Variants in INTS2 observed in about 807,000 individuals in gnomAD.
The protein encoded by INTS2 is integrator complex subunit 2.
INTS2 carries 57 observed loss-of-function variants against 139.6 expected under a neutral mutation model. The ratio of observed to expected loss-of-function variants is 0.41; its 90% CI spans 0.33 to 0.51. The LOEUF (loss-of-function observed/expected upper bound fraction) is 0.51, where lower values mean the gene tolerates loss of function less well. Among genes scored for constraint, INTS2 ranks in the 20% least tolerant of loss-of-function variants. The pLI, the probability that INTS2 is intolerant of heterozygous loss-of-function variation, is 0.28. For synonymous variants in INTS2, 473 were observed against 493.4 expected, an observed-to-expected ratio of 0.96 and a Z score of 0.55; for missense variants, 1,196 against 1,436.7, an observed-to-expected ratio of 0.83 and a Z score of 2.71.
At chr17:61,920,976 G>A (rs2079635557) in intron 4 of INTS2, among the ~76,000 whole-genome samples, 1 of 152,020 alleles carries the variant, frequency 6.6e-6, no homozygotes. Flanking sequence ...GTAGAGACAA[G>A]GTCTCACTAT....
rs1257143814 is a variant in INTS2, at chr17:61,868,009, ACTGTTGG to A, written c.3245-7_3245-1del. The A allele has an allele frequency of 1.3e-6, 2 of 1,568,328 alleles. No homozygotes were observed. Among genetic ancestry groups the A allele is most frequent in the Admixed American group, 2.2e-5 (1 of 46,000 alleles). On this transcript the variant is annotated splice_acceptor_variant and splice_polypyrimidine_tract_variant and intron_variant, in intron 23 of 24. Coordinates refer to ENST00000251334, the MANE Select transcript of INTS2 (RefSeq NM_001351695.2). LOFTEE classifies it high-confidence loss of function. The surrounding 1 kb of genome is among the most constrained non-coding windows in gnomAD (Gnocchi z 4.7). ...AGCATACCGCTTAGCCTGTGTTAAA[ACTGTTGG>A]AAAAAAATGAAACAATATTTTAGTT...
chr17:61,902,712 A>AT (rs1478180593), intron 9 of INTS2, among the ~76,000 whole-genome samples: 1 of 151,890 alleles, frequency 6.6e-6, no homozygotes, highest in Non-Finnish European at 1.5e-5. Context: ...TGTCTCTTAA[A>AT]AAAAAAAAAT....
chr17:61,870,114 G>A lies in INTS2; in HGVS notation c.2779-126C>T. The A allele has an allele frequency of 3.3e-6, 3 of 918,562 alleles. No individual in the cohort carries two copies. Among genetic ancestry groups the A allele is most frequent in the Non-Finnish European group, 4.8e-6 (3 of 627,616 alleles). The allele number at this position is 918,562 out of a possible 1,614,324, so 56.9% of individuals were successfully genotyped here. A position where few individuals can be genotyped will look rare whatever the true frequency, so the allele number is the denominator to read the frequency against. On this transcript the variant is annotated intron_variant, in intron 20 of 24. Coordinates refer to ENST00000251334, the MANE Select transcript of INTS2 (RefSeq NM_001351695.2). The surrounding 1 kb of genome is among the most constrained non-coding windows in gnomAD (Gnocchi z 4.4). Reference sequence around the variant, plus strand: ...TTTCTTAAACACACATACACAAAGAGGTACTTCTAAGAGCAGAACTGAGCA... The same window carrying A: ...TTTCTTAAACACACATACACAAAGAAGTACTTCTAAGAGCAGAACTGAGCA...
At chr17:61,886,225 A>G (rs1213077941) in intron 15 of INTS2, among the ~76,000 whole-genome samples, 4 of 152,076 alleles carry the variant, frequency 2.6e-5, no homozygotes, top group African/African-American at 9.7e-5. Flanking sequence ...TAATGTTTGC[A>G]TTTTTAGTAG....
chr17:61,883,563 C>A (rs2079196851), intron 16 of INTS2, among the ~76,000 whole-genome samples: 1 of 151,886 alleles, frequency 6.6e-6, no homozygotes, highest in Admixed American at 6.6e-5. Context: ...CCAGCCTGGC[C>A]AACATGGCGA....
Position 61,925,109 on chromosome 17 carries a change from T to A in INTS2, c.294-10A>T. The A allele has an allele frequency of 6.2e-7, 1 of 1,610,414 alleles. No individual in the cohort carries two copies. Among genetic ancestry groups the A allele is most frequent in the Non-Finnish European group, 8.5e-7 (1 of 1,177,246 alleles). On this transcript the variant is annotated splice_polypyrimidine_tract_variant and intron_variant, in intron 2 of 24. Transcript: ENST00000251334. Reference sequence around the variant, plus strand: ...TCCTCCAAGTTTATGCCTAATGAAGTACAAAACATGTAACAATTATGAAAA... The same window carrying A: ...TCCTCCAAGTTTATGCCTAATGAAGAACAAAACATGTAACAATTATGAAAA...
intron 7 of INTS2, chr17:61,910,885 G>A (rs2143104474): frequency 6.6e-6 from 1 of 152,170 alleles, no homozygotes; most frequent in South Asian, 2.1e-4. Flanking sequence ...GACATTATCT[G>A]TCTTTTTCTT....
In INTS2 at chr17:61,921,591, C is replaced by G. The variant is rs141166400; in HGVS notation, c.535+134G>C. 413 of 440,798 alleles carry G rather than the reference C, an allele frequency of 9.4e-4. 6 individuals carry two copies. In the East Asian group the frequency reaches 0.014, roughly 15 times the overall value. The allele number at this position is 440,798 out of a possible 1,614,324, so 27.3% of individuals were successfully genotyped here. The stretch of plus-strand genomic sequence containing the variant: ...TTAATCATTGTCCAACTATTAGTCA[C>G]TTTTGACTTAAAATCACATAACATG... On this transcript the variant is annotated intron_variant, in intron 4 of 24. Coordinates refer to ENST00000251334, the MANE Select transcript of INTS2 (RefSeq NM_001351695.2).
chr17:61,905,245 AT>A lies in INTS2; in HGVS notation c.1182-661del, dbSNP rs914023412. Among the ~76,000 whole-genome samples, 153 of 149,616 alleles carry A rather than the reference AT, an allele frequency of 1.0e-3. 1 individual carries two copies. Among genetic ancestry groups the A allele is most frequent in the African/African-American group, 3.1e-3 (125 of 40,934 alleles). On this transcript the variant is annotated intron_variant, in intron 8 of 24. Coordinates refer to ENST00000251334, the MANE Select transcript of INTS2 (RefSeq NM_001351695.2). ...TGTAAGTCACTGTACCCAGCCAGGA[AT>A]TTTTTTTTTTAAATGGTAAAACTAA...
intron 7 of INTS2, among the ~76,000 whole-genome samples, chr17:61,908,167 C>A (rs1238045810): frequency 6.6e-6 from 1 of 152,192 alleles, no homozygotes; most frequent in African/African-American, 2.4e-5. Flanking sequence ...GTAATCCCAG[C>A]ACTTTGGGAG....
chr17:61,889,650 C>A, intron 15 of INTS2, 136 bp downstream of exon 15: 1 of 548,252 alleles, frequency 1.8e-6, no homozygotes, highest in Non-Finnish European at 3.3e-6. Flanking sequence ...TATACAATGC[C>A]CACATTGCAA....
chr17:61,912,020 C>T lies in INTS2; in HGVS notation c.700G>A (p.Gly234Arg). ...NGERQDEESL[G>R]GRRRTDALRF... is the part of the protein sequence containing the mutation. ...AAGGCATCTGTCCTGCGCCTTCCTC[C>T]AAGACTTTCTTCATCTTGTCGTTCT... Residue 234 changes from glycine to arginine, a missense_variant, in exon 6 of 25, where the codon GGA (glycine) becomes AGA (arginine). Gly to Arg is a moderately radical substitution (Grantham distance 125, BLOSUM62 -2). Transcript: ENST00000251334. 1 of 1,613,832 alleles carries T rather than the reference C, an allele frequency of 6.2e-7. No homozygotes were observed. The highest frequency in any genetic ancestry group is 1.1e-5 in the South Asian group (1 of 91,078).
At chr17:61,895,684 G>A (rs1427476427) in intron 11 of INTS2, among the ~76,000 whole-genome samples, 1 of 152,098 alleles carries the variant, frequency 6.6e-6, no homozygotes, top group African/African-American at 2.4e-5. Flanking sequence ...AAATATGTGT[G>A]TGTGTGTATG....
At chr17:61,891,245 G>A (rs1213129052) in intron 14 of INTS2, among the ~76,000 whole-genome samples, 3 of 151,854 alleles carry the variant, frequency 2.0e-5, no homozygotes, top group African/African-American at 4.8e-5. Flanking sequence ...CAGGGAGGAG[G>A]AGGTTGCAGT....
Position 61,897,586 on chromosome 17 carries a change from G to A in INTS2, c.1380-3C>T. ...AAGAAGCAGAGACGCCTGAAGTACTGTCAAAACAAAATAGGAAATATGAAT... is the reference window on the plus strand; with the variant it reads ...AAGAAGCAGAGACGCCTGAAGTACTATCAAAACAAAATAGGAAATATGAAT... On this transcript the variant is annotated splice_region_variant and splice_polypyrimidine_tract_variant and intron_variant, in intron 10 of 24. Transcript: ENST00000251334. The surrounding 1 kb of genome is among the most constrained non-coding windows in gnomAD (Gnocchi z 4.4). 1.3e-6 allele frequency: 2 copies of A among 1,594,528 alleles called. No individual in the cohort carries two copies. The highest frequency in any genetic ancestry group is 2.7e-5 in the African/African-American group (2 of 74,646).
At chr17:61,911,795 C>T (rs1281344453) in intron 6 of INTS2, 102 bp from the exon 7 acceptor site, 1 of 1,436,914 alleles carries the variant, frequency 7.0e-7, no homozygotes, top group Non-Finnish European at 9.5e-7. Context: ...AGAACTCCTA[C>T]AAAACATAAA....
intron 9 of INTS2, among the ~76,000 whole-genome samples, chr17:61,902,343 C>T (rs1173455017): frequency 6.6e-6 from 1 of 151,986 alleles, no homozygotes; most frequent in Non-Finnish European, 1.5e-5. Flanking sequence ...TGTCTAAAAC[C>T]TCCTTTTATT....
chr17:61,869,691 A>C lies in INTS2; in HGVS notation c.3030+46T>G, dbSNP rs760531208. On this transcript the variant is annotated intron_variant, in intron 21 of 24. Transcript: ENST00000251334. The surrounding 1 kb of genome is among the most constrained non-coding windows in gnomAD (Gnocchi z 5.4). ...GTTAATATAGTATTCAAAGCCCCCA[A>C]GAAAAATAAAGTTCAAACACAAAGC... 1 of 1,590,494 alleles carries C rather than the reference A, an allele frequency of 6.3e-7. No homozygotes were observed. The highest frequency in any genetic ancestry group is 1.3e-5 in the African/African-American group (1 of 74,318).
chr17:61,904,701 T>C (rs1386459414), intron 8 of INTS2, 116 bp from the exon 9 acceptor site: 4 of 863,876 alleles, frequency 4.6e-6, no homozygotes, highest in Non-Finnish European at 6.9e-6. Context: ...TTGCTATTTA[T>C]AAAATCTTTA....
Sources: allele counts gnomAD v4.1 joint callset (sites outside exome capture counted in the v4.1 genomes callset), GRCh38; gene constraint gnomAD v4.1.1; non-coding constraint Gnocchi (gnomAD v3.1); transcripts MANE v1.5; gene names NCBI Gene and HGNC (gene_info 2026-07-23, HGNC 2026-07-21).